The following SMARCA2 variants were observed in gnomAD, a reference collection of about 807,000 sequenced individuals.
SMARCA2 encodes the protein SWI/SNF related BAF chromatin remodeling complex subunit ATPase 2.
SMARCA2 carries 61 observed loss-of-function variants against 199.8 expected under a neutral mutation model. The ratio of observed to expected loss-of-function variants is 0.31; its 90% CI spans 0.25 to 0.38. SMARCA2 has a LOEUF of 0.38. Ranked by LOEUF, SMARCA2 falls within the 10% of genes least tolerant of loss-of-function variation. The probability of loss-of-function intolerance (pLI) is 1.00; values close to 1 mark genes in which losing one functional copy is unlikely to be tolerated. For synonymous variants in SMARCA2, 935 were observed against 732.0 expected, an observed-to-expected ratio of 1.28 and a Z score of -4.48; for missense variants, 1,344 against 2,012.2, an observed-to-expected ratio of 0.67 and a Z score of 6.35.
chr9:2,076,589 C>G (rs1012908340), intron 13 of SMARCA2, among the ~76,000 whole-genome samples: 6 of 151,910 alleles, frequency 3.9e-5, no homozygotes, highest in African/African-American at 1.5e-4. Flanking sequence ...TCCTTAATCC[C>G]CACCTCCAGC....
Position 2,060,996 on chromosome 9 carries a change from C to T in SMARCA2, c.1692+10C>T. ...GAGGAGGAGGAAGAAGGTGCGTATCCTAGTGGTGGTGGCTGAGTCCAGGGT... is the reference window on the plus strand; with the variant it reads ...GAGGAGGAGGAAGAAGGTGCGTATCTTAGTGGTGGTGGCTGAGTCCAGGGT... On this transcript the variant is annotated intron_variant, in intron 9 of 33. Coordinates refer to ENST00000349721, the MANE Select transcript of SMARCA2 (RefSeq NM_003070.5). The T allele has an allele frequency of 1.2e-6, 2 of 1,611,896 alleles. No homozygotes were observed. The highest frequency in any genetic ancestry group is 1.7e-6 in the Non-Finnish European group (2 of 1,179,078).
intron 1 of SMARCA2, among the ~76,000 whole-genome samples, chr9:2,026,481 T>A (rs952829426): frequency 1.3e-5 from 2 of 152,234 alleles, no homozygotes; most frequent in Non-Finnish European, 2.9e-5. Context: ...ATTACAACAT[T>A]CTCTGAGATT....
chr9:2,186,206 T>C lies in SMARCA2; in HGVS notation c.4572T>C (p.Asp1524=). Residue 1524 remains aspartate, a synonymous_variant, in exon 32 of 34, where the codon GAT becomes GAC. Coordinates refer to ENST00000349721, the MANE Select transcript of SMARCA2 (RefSeq NM_003070.5). ...DESNEEEEEE[D]EEESESEAKS... is the part of the protein sequence containing the mutation. The stretch of plus-strand genomic sequence containing the variant: ...GCAATGAAGAGGAGGAAGAGGAAGA[T>C]GAAGAAGAGTCAGAGTCCGAGGGTA... The C allele has an allele frequency of 6.2e-7, 1 of 1,614,008 alleles. No individual in the cohort carries two copies. Among genetic ancestry groups the C allele is most frequent in the Non-Finnish European group, 8.5e-7 (1 of 1,179,924 alleles).
chr9:2,019,155 C>A (rs1394953613), intron 1 of SMARCA2, among the ~76,000 whole-genome samples: 1 of 151,822 alleles, frequency 6.6e-6, no homozygotes, highest in Non-Finnish European at 1.5e-5. Flanking sequence ...AAAAAACAAC[C>A]CAGTAGATCA....
rs146669947 is a variant in SMARCA2, at chr9:2,141,896, C to T, written c.3981+17959C>T. 9.7e-4 allele frequency among the ~76,000 whole-genome samples: 148 copies of T among 152,250 alleles called. 1 individual carries two copies. Among genetic ancestry groups the T allele is most frequent in the African/African-American group, 3.4e-3 (140 of 41,538 alleles). On this transcript the variant is annotated intron_variant, in intron 27 of 33. Coordinates refer to ENST00000349721, the MANE Select transcript of SMARCA2 (RefSeq NM_003070.5). ...CTCTTCTTGAAAAGGTGCAGGAGCG[C>T]GTCAGATCAGCAACAGGTGGTCTAG...
chr9:2,047,803 T>C (rs989283072), intron 5 of SMARCA2: 6 of 179,382 alleles, frequency 3.3e-5, no homozygotes, highest in Admixed American at 6.2e-5. Flanking sequence ...TGTGTTGCGC[T>C]GGCCTGATTT....
Position 2,027,520 on chromosome 9 carries a change from G to T in SMARCA2, c.-36-1467G>T, listed in dbSNP as rs117546462. 1.4e-3 allele frequency among the ~76,000 whole-genome samples: 214 copies of T among 152,298 alleles called. 3 individuals carry two copies. In the East Asian group the frequency reaches 0.031, roughly 22 times the overall value. ...GTTGGCCCTTGAAATTTACTCTGCA[G>T]TTGATTCATCAGATAATTTTTGAGC... On this transcript the variant is annotated intron_variant, in intron 1 of 33. Transcript: ENST00000349721.
chr9:2,028,444 A>G (rs1818924136), intron 1 of SMARCA2, among the ~76,000 whole-genome samples: 1 of 152,226 alleles, frequency 6.6e-6, no homozygotes, highest in Non-Finnish European at 1.5e-5. Flanking sequence ...TCTGATTCCT[A>G]TAGCCTTTGC....
chr9:2,129,153 T>C (rs1823825719), intron 27 of SMARCA2, among the ~76,000 whole-genome samples: 2 of 152,198 alleles, frequency 1.3e-5, no homozygotes, highest in South Asian at 4.1e-4. Flanking sequence ...GCACTGTGGC[T>C]CATGCCTGTA....
chr9:2,055,221 C>G, intron 6 of SMARCA2, among the ~76,000 whole-genome samples: 1 of 152,288 alleles, frequency 6.6e-6, no homozygotes, highest in East Asian at 1.9e-4. Context: ...ATTTATTCAC[C>G]GATGTCTAAG....
intron 26 of SMARCA2, among the ~76,000 whole-genome samples, chr9:2,122,963 G>A (rs1163614640): frequency 1.3e-5 from 2 of 152,132 alleles, no homozygotes; most frequent in African/African-American, 4.8e-5. Flanking sequence ...AGAGAAGGTG[G>A]GGAAGTAGGC....
At position 2,115,935 on chromosome 9, in the gene SMARCA2, C is replaced by T. The variant is rs757686565; in HGVS notation, c.3570C>T (p.Tyr1190=). 13 of 1,614,128 alleles carry T rather than the reference C, an allele frequency of 8.1e-6. No homozygotes were observed. The South Asian group carries it at 1.4e-4, about 18-fold the overall frequency. ...VEEKILAAAK[Y]KLNVDQKVIQ... is the part of the protein sequence containing the mutation. The stretch of plus-strand genomic sequence containing the variant: ...AAAAGATCCTCGCGGCCGCAAAATA[C>T]AAGCTGAACGTGGATCAGAAAGTGA... The change falls in exon 25 of 34, where the codon TAC becomes TAT. Residue 1190 remains tyrosine, a synonymous_variant. Coordinates refer to ENST00000349721, the MANE Select transcript of SMARCA2 (RefSeq NM_003070.5). This position sits in a 1 kb window ranked among gnomAD's most constrained non-coding sequence, Gnocchi z 6.0.
At chr9:2,188,017 AC>A (rs1472623258) in intron 32 of SMARCA2, among the ~76,000 whole-genome samples, 3 of 152,180 alleles carry the variant, frequency 2.0e-5, no homozygotes, top group Non-Finnish European at 4.4e-5. Context: ...ATATAGAATT[AC>A]ACGTTTTTTT....
chr9:2,068,279 A>T (rs760632284), intron 9 of SMARCA2, among the ~76,000 whole-genome samples: 1 of 152,178 alleles, frequency 6.6e-6, no homozygotes, highest in African/African-American at 2.4e-5. Context: ...GAGCTTATAA[A>T]TGTTTTTGCT....
chr9:2,076,390 CT>C, intron 13 of SMARCA2, 61 bp downstream of exon 13: 2 of 1,113,432 alleles, frequency 1.8e-6, no homozygotes, highest in South Asian at 1.3e-5. Context: ...AATGAATTTT[CT>C]TTTAGGAAAT....
intron 19 of SMARCA2, among the ~76,000 whole-genome samples, chr9:2,092,644 C>G (rs1460578865): frequency 6.6e-6 from 1 of 152,090 alleles, no homozygotes; most frequent in Non-Finnish European, 1.5e-5. Flanking sequence ...GTATAATGAC[C>G]TGATTTGCCT....
In SMARCA2 at chr9:2,056,997, C is replaced by G. The variant is rs188701497; in HGVS notation, c.1347+152C>G. ...TTCCTTGACATGTACATAATCCAAC[C>G]ACATCATTTTATAGACAAAGACGCT... On this transcript the variant is annotated intron_variant, in intron 7 of 33. Coordinates refer to ENST00000349721, the MANE Select transcript of SMARCA2 (RefSeq NM_003070.5). This position sits in a 1 kb window ranked among gnomAD's most constrained non-coding sequence, Gnocchi z 4.0. 473 of 675,612 alleles carry G rather than the reference C, an allele frequency of 7.0e-4. 4 individuals carry two copies. The African/African-American group carries it at 7.8e-3, about 11-fold the overall frequency. 41.9% of individuals were successfully genotyped at this position (675,612 alleles called of 1,614,324 possible). A position where few individuals can be genotyped will look rare whatever the true frequency, so the allele number is the denominator to read the frequency against.
intron 31 of SMARCA2, among the ~76,000 whole-genome samples, chr9:2,183,873 T>TTATGTCAA (rs1203197458): frequency 6.6e-6 from 1 of 152,182 alleles, no homozygotes. Context: ...TTTGGATTCT[T>TTATGTCAA]TATGTCAATA....
chr9:2,060,909 A>C lies in SMARCA2; in HGVS notation c.1615A>C (p.Asn539His). Residue 539 changes from asparagine (N) to histidine (H), a missense_variant, in exon 9 of 34, where the codon AAT becomes CAT. Asn to His is a moderately conservative substitution (Grantham distance 68). Around this residue, in one of 18 missense-constraint regions of SMARCA2, gnomAD observed 68 missense variants for 70.4 expected, o/e 0.97. Transcript: ENST00000349721. The part of the protein sequence containing the change: ...LLQQTDEYVA[N>H]LTNLVWEHKQ... ...GCAGCAGACCGATGAGTATGTAGCC[A>C]ATCTGACCAATCTGGTTTGGGAGCA... 1 of 1,614,158 alleles carries C rather than the reference A, an allele frequency of 6.2e-7. No individual in the cohort carries two copies.
Sources: gnomAD v4.1 joint callset for allele counts (sites outside exome capture counted in the v4.1 genomes callset) on GRCh38, gnomAD v4.1.1 for gene constraint, gnomAD v4.1.1 regional missense constraint, Gnocchi (gnomAD v3.1) non-coding constraint, MANE v1.5 for transcripts, NCBI Gene and HGNC (gene_info 2026-07-23, HGNC 2026-07-21) for gene names.